PRPF39: variants seen among roughly 807,000 people sequenced by gnomAD.
The protein encoded by PRPF39 is pre-mRNA-processing factor 39.
A neutral mutation model predicts 82.1 loss-of-function variants in PRPF39; 27 were observed. That is an observed-to-expected ratio of 0.33 (90% confidence interval 0.24 to 0.45). The LOEUF (loss-of-function observed/expected upper bound fraction) is 0.45. PRPF39 is among the 20% of genes least tolerant of loss of function. The probability of loss-of-function intolerance (pLI) is 1.00; values close to 1 mark genes in which losing one functional copy is unlikely to be tolerated. For missense variants in PRPF39, 581 were observed against 796.9 expected (o/e 0.73, Z 3.26); for synonymous variants, 261 against 256.4 (o/e 1.02, Z -0.17).
Position 45,114,879 on chromosome 14 carries a change from AT to A in PRPF39, c.1978del (p.Tyr660MetfsTer22). On this transcript the variant is annotated frameshift_variant, in exon 14 of 14. Coordinates refer to ENST00000355765, the MANE Select transcript of PRPF39 (RefSeq NM_017922.4). LOFTEE classifies it high-confidence loss of function. ...WYQYNYQNPW[N>X]YGQYYPPPPT ...CAGTACAATTATCAGAATCCTTGGA[AT>A]TATGGACAATATTATCCTCCCCCTC... 6.2e-7 allele frequency: 1 copy of A among 1,600,570 alleles called. No homozygotes were observed. The highest frequency in any genetic ancestry group is 8.6e-7 in the Non-Finnish European group (1 of 1,168,116).
chr14:45,112,440 G>T lies in PRPF39; in HGVS notation c.1695G>T (p.Met565Ile). 2 of 1,546,996 alleles carry T rather than the reference G, an allele frequency of 1.3e-6. No homozygotes were observed. The highest frequency in any genetic ancestry group is 2.5e-5 in the South Asian group (2 of 79,460). ...KAVHGSLPIK[M>I]RITFSQRKVE... ...TACATGGTTCATTACCTATTAAAAT[G>T]AGAATTACATTTTCTCAGAGAAAAG... Residue 565 changes from methionine to isoleucine, a missense_variant, in exon 11 of 14, where the codon ATG (methionine) becomes ATT (isoleucine). Transcript: ENST00000355765.
chr14:45,084,396 T>A (rs1883755383), intron 1 of PRPF39, 147 bp downstream of exon 1: 1 of 152,412 alleles, frequency 6.6e-6, no homozygotes, highest in Non-Finnish European at 1.5e-5. Flanking sequence ...AGCGCTCAGC[T>A]GTCCATTCCT....
In PRPF39 at chr14:45,107,563, C is replaced by G. The variant is rs1884573251; in HGVS notation, c.850C>G (p.Pro284Ala). 6.4e-7 allele frequency: 1 copy of G among 1,553,120 alleles called. No homozygotes were observed. The highest frequency in any genetic ancestry group is 8.7e-7 in the Non-Finnish European group (1 of 1,147,330). Residue 284 changes from proline (P) to alanine (A), a missense_variant, in exon 6 of 14, where the codon CCT (proline) becomes GCT (alanine). Coordinates refer to ENST00000355765, the MANE Select transcript of PRPF39 (RefSeq NM_017922.4). Reference protein sequence around the residue: ...SVNGHSGDDGPPGDDLPSGIE... With the variant: ...SVNGHSGDDGAPGDDLPSGIE... ...AAATGGTCATAGTGGTGATGATGGT[C>G]CTCCTGGTGATGATCTACCATCGGG...
Position 45,110,605 on chromosome 14 carries a change from T to C in PRPF39, c.1360T>C (p.Leu454=). ...AACATTTGAAGAATGTGTTCTAGGA[T>C]TGGCAATGGTTCGTTTACGAAGAGT... ...LKTFEECVLG[L]AMVRLRRVSL... Residue 454 remains leucine, a synonymous_variant, in exon 10 of 14, where the codon TTG becomes CTG. Transcript: ENST00000355765. This position sits in a 1 kb window ranked among gnomAD's most constrained non-coding sequence, Gnocchi z 4.0. 1.3e-6 allele frequency: 2 copies of C among 1,570,886 alleles called. No homozygotes were observed. Among genetic ancestry groups the C allele is most frequent in the Non-Finnish European group, 8.6e-7 (1 of 1,156,408 alleles).
chr14:45,099,736 G>A (rs911455825), intron 4 of PRPF39, among the ~76,000 whole-genome samples: 3 of 152,126 alleles, frequency 2.0e-5, no homozygotes, highest in East Asian at 1.9e-4. Context: ...GAGCCACCAC[G>A]CCCGGCCCAG....
intron 4 of PRPF39, among the ~76,000 whole-genome samples, chr14:45,098,496 A>C (rs542953425): frequency 2.0e-5 from 3 of 151,276 alleles, no homozygotes. Flanking sequence ...AATATTTTTC[A>C]TCATACTGTC....
chr14:45,109,479 A>C, intron 7 of PRPF39, 137 bp from the exon 8 acceptor site: 1 of 709,240 alleles, frequency 1.4e-6, no homozygotes. Flanking sequence ...TTAATTTTAA[A>C]AGTTTTTTAA....
chr14:45,091,894 G>A lies in PRPF39; in HGVS notation c.-19-3327G>A, dbSNP rs577444167. ...GTAATAGAAAACTTGTATATTGATA[G>A]TAGTTTAAACAAATAGGAATTTATT... On this transcript the variant is annotated intron_variant, in intron 1 of 13. Transcript: ENST00000355765. 2.6e-5 allele frequency among the ~76,000 whole-genome samples: 4 copies of A among 152,302 alleles called. No individual in the cohort carries two copies. In the East Asian group the frequency reaches 5.8e-4, roughly 22 times the overall value.
At chr14:45,097,399 C>T (rs910157845) in intron 4 of PRPF39, among the ~76,000 whole-genome samples, 1 of 151,810 alleles carries the variant, frequency 6.6e-6, no homozygotes, top group African/African-American at 2.4e-5. Context: ...ATCTTATAAG[C>T]CAAAGTACTC....
Position 45,102,600 on chromosome 14 carries a change from A to G in PRPF39, c.641A>G (p.Asn214Ser), listed in dbSNP as rs1279775414. ...RSDRLWEMYINWENEQGNLRE... is the reference protein window; with the variant it reads ...RSDRLWEMYISWENEQGNLRE... ...GACAGACTGTGGGAAATGTATATAA[A>G]CTGGGAAAATGAGCAGGGAAACCTG... The change falls in exon 5 of 14, where the codon AAC becomes AGC. Residue 214 changes from asparagine (N) to serine (S), a missense_variant. Transcript: ENST00000355765. 6.2e-7 allele frequency: 1 copy of G among 1,611,856 alleles called. No homozygotes were observed. Among genetic ancestry groups the G allele is most frequent in the Non-Finnish European group, 8.5e-7 (1 of 1,178,438 alleles).
chr14:45,114,161 A>G (rs762485360), intron 11 of PRPF39, 22 bp from the exon 12 acceptor site: 1 of 1,517,294 alleles, frequency 6.6e-7, no homozygotes, highest in Admixed American at 1.9e-5. Flanking sequence ...ATTCCAGAGG[A>G]TATTTTTTTC....
At chr14:45,100,153 C>T (rs1884328701) in intron 4 of PRPF39, among the ~76,000 whole-genome samples, 1 of 152,138 alleles carries the variant, frequency 6.6e-6, no homozygotes. Flanking sequence ...TTGCTTGAAC[C>T]TGGAAGGCAG....
intron 4 of PRPF39, among the ~76,000 whole-genome samples, chr14:45,100,380 G>A (rs530809021): frequency 6.6e-6 from 1 of 152,190 alleles, no homozygotes; most frequent in African/African-American, 2.4e-5. Flanking sequence ...GATTCCCAGT[G>A]ATAGTAACCT....
At chr14:45,094,541 G>A (rs1483821732) in intron 1 of PRPF39, among the ~76,000 whole-genome samples, 1 of 152,110 alleles carries the variant, frequency 6.6e-6, no homozygotes, top group African/African-American at 2.4e-5. Context: ...AGCTGGGACT[G>A]CAGCTGTGTG....
In PRPF39 at chr14:45,110,037, A is replaced by G; in HGVS notation, c.1177-57A>G. On this transcript the variant is annotated intron_variant, in intron 8 of 13. Coordinates refer to ENST00000355765, the MANE Select transcript of PRPF39 (RefSeq NM_017922.4). This position sits in a 1 kb window ranked among gnomAD's most constrained non-coding sequence, Gnocchi z 4.0. ...AATAGAATTTTATCGTTCTGTCACA[A>G]ATTTAATGGCTTGTTCAACTGTAAA... 1 of 1,604,284 alleles carries G rather than the reference A, an allele frequency of 6.2e-7. No homozygotes were observed. The highest frequency in any genetic ancestry group is 8.5e-7 in the Non-Finnish European group (1 of 1,173,800).
chr14:45,092,480 A>G (rs1358431508), intron 1 of PRPF39, among the ~76,000 whole-genome samples: 3 of 151,880 alleles, frequency 2.0e-5, no homozygotes, highest in African/African-American at 7.3e-5. Context: ...GCGTGCCTGT[A>G]GTCCCAGCTA....
chr14:45,099,293 CTGT>C (rs1197780106), intron 4 of PRPF39, among the ~76,000 whole-genome samples: 1 of 151,990 alleles, frequency 6.6e-6, no homozygotes, highest in Non-Finnish European at 1.5e-5. Context: ...TTGATTTTCT[CTGT>C]TGTTTTTAAT....
intron 4 of PRPF39, among the ~76,000 whole-genome samples, chr14:45,100,997 A>G (rs1884356685): frequency 6.6e-6 from 1 of 152,202 alleles, no homozygotes. Flanking sequence ...CTGTTGAATT[A>G]AAGTATCTCC....
chr14:45,097,125 G>C, intron 4 of PRPF39, 120 bp downstream of exon 4: 1 of 1,354,970 alleles, frequency 7.4e-7, no homozygotes. Context: ...TTAAAAAAAT[G>C]ATACATGTAA....
Sources: gnomAD v4.1 joint callset for allele counts (sites outside exome capture counted in the v4.1 genomes callset) on GRCh38, gnomAD v4.1.1 for gene constraint, Gnocchi (gnomAD v3.1) non-coding constraint, MANE v1.5 for transcripts, NCBI Gene and HGNC (gene_info 2026-07-23, HGNC 2026-07-21) for gene names.